NPHP4: variants seen among roughly 807,000 people sequenced by gnomAD.
The protein encoded by NPHP4 is nephrocystin 4.
A neutral mutation model predicts 155.8 loss-of-function variants in NPHP4; 151 were observed. The observed-to-expected ratio is 0.97, with a 90% CI of 0.85 to 1.11. The LOEUF is 1.11. NPHP4 is among the 50% of genes least tolerant of loss of function. The probability of loss-of-function intolerance (pLI) is 0.00; values close to 1 mark genes in which losing one functional copy is unlikely to be tolerated. For missense variants in NPHP4, 1,956 were observed against 1,925.7 expected (o/e 1.02, Z -0.29); for synonymous variants, 845 against 816.8 (o/e 1.03, Z -0.59).
At chr1:5,948,298 G>T in intron 7 of NPHP4, 47 bp from the exon 8 acceptor site, 1 of 1,441,790 alleles carries the variant, frequency 6.9e-7, no homozygotes, top group East Asian at 2.5e-5. Flanking sequence ...ACGGAAAGAG[G>T]GAGCTCGCCA....
Position 5,867,330 on chromosome 1 carries a change from G to A in NPHP4, c.3473-215C>T. On this transcript the variant is annotated intron_variant, in intron 24 of 29. Transcript: ENST00000378156. This position sits in a 1 kb window ranked among gnomAD's most constrained non-coding sequence, Gnocchi z 4.1. ...CGCCCATCCAGCCCACTGCGGCTCG[G>A]CTGCAGCCATCTCCACAGGGAATAA... The A allele has an allele frequency of 1.8e-6, 1 of 568,230 alleles. No individual in the cohort carries two copies. Among genetic ancestry groups the A allele is most frequent in the South Asian group, 2.3e-5 (1 of 43,196 alleles). The allele number at this position is 568,230 out of a possible 1,614,324, so 35.2% of individuals were successfully genotyped here. A position where few individuals can be genotyped will look rare whatever the true frequency, so the allele number is the denominator to read the frequency against.
chr1:5,963,990 A>G (rs903973572), intron 5 of NPHP4, among the ~76,000 whole-genome samples: 1 of 152,042 alleles, frequency 6.6e-6, no homozygotes, highest in African/African-American at 2.4e-5. Flanking sequence ...TCCTGGCCCA[A>G]CCTCTTCTTA....
chr1:5,916,239 C>G (rs995550921), intron 11 of NPHP4, among the ~76,000 whole-genome samples: 5 of 152,082 alleles, frequency 3.3e-5, no homozygotes, highest in African/African-American at 1.2e-4. Flanking sequence ...TGCAATGTTA[C>G]AGAGAAAATA....
intron 7 of NPHP4, among the ~76,000 whole-genome samples, chr1:5,949,650 C>T (rs1309320077): frequency 2.0e-5 from 3 of 151,922 alleles, no homozygotes; most frequent in Non-Finnish European, 4.4e-5. Flanking sequence ...GCAGGACAGT[C>T]AGAGGACCCC....
At position 5,904,640 on chromosome 1, in the gene NPHP4, C is replaced by A; in HGVS notation, c.2120G>T (p.Ser707Ile). 1 of 1,611,550 alleles carries A rather than the reference C, an allele frequency of 6.2e-7. No individual in the cohort carries two copies. ...GALTHILVPV[S>I]RDGTFDAGSP... ...ACCAGCATCAAAGGTGCCATCTCTG[C>A]TCACAGGCACGAGGATGTGGGTCAG... is the stretch of plus-strand genomic sequence containing the variant. The change falls in exon 16 of 30, where the codon AGC (serine) becomes ATC (isoleucine). Residue 707 changes from serine (S) to isoleucine (I), a missense_variant. Ser to Ile is a moderately radical substitution (Grantham distance 142). Transcript: ENST00000378156.
At chr1:5,927,002 C>T (rs564716708) in intron 11 of NPHP4, among the ~76,000 whole-genome samples, 1 of 152,098 alleles carries the variant, frequency 6.6e-6, no homozygotes, top group African/African-American at 2.4e-5. Flanking sequence ...GTACCTTCCG[C>T]CCCTCACTTC....
At position 5,873,457 on chromosome 1, in the gene NPHP4, C is replaced by T. The variant is rs1642222484; in HGVS notation, c.3232-122G>A. 5 of 763,192 alleles carry T rather than the reference C, an allele frequency of 6.6e-6. No homozygotes were observed. In the East Asian group the frequency reaches 1.3e-4, roughly 20 times the overall value. The allele number at this position is 763,192 out of a possible 1,614,324, so 47.3% of individuals were successfully genotyped here. ...ACCAGCCTCCTCTCACACTGACTCT[C>T]CAGGCAGCAACCATCACCAACCGGC... On this transcript the variant is annotated intron_variant, in intron 22 of 29. Coordinates refer to ENST00000378156, the MANE Select transcript of NPHP4 (RefSeq NM_015102.5).
rs1305276572 is a variant in NPHP4, at chr1:5,910,566, T to TA, written c.1442-1354dup. Reference sequence around the variant, plus strand: ...ATGGCACAGAGCACAGGCCGGCACTTACGGGACCTACGGACCAAGCACACA... The same window carrying TA: ...ATGGCACAGAGCACAGGCCGGCACTTAACGGGACCTACGGACCAAGCACACA... On this transcript the variant is annotated intron_variant, in intron 11 of 29. Coordinates refer to ENST00000378156, the MANE Select transcript of NPHP4 (RefSeq NM_015102.5). The surrounding 1 kb of genome is among the most constrained non-coding windows in gnomAD (Gnocchi z 5.4). Among the ~76,000 whole-genome samples the TA allele has an allele frequency of 1.3e-5, 2 of 152,118 alleles. No individual in the cohort carries two copies. The highest frequency in any genetic ancestry group is 4.8e-5 in the African/African-American group (2 of 41,424).
At chr1:5,980,959 C>T (rs1171881313) in intron 2 of NPHP4, among the ~76,000 whole-genome samples, 1 of 152,206 alleles carries the variant, frequency 6.6e-6, no homozygotes, top group African/African-American at 2.4e-5. Context: ...GACCTGCCCT[C>T]TGAGCCTGCC....
At chr1:5,920,559 G>A (rs1381506210) in intron 11 of NPHP4, among the ~76,000 whole-genome samples, 2 of 152,072 alleles carry the variant, frequency 1.3e-5, no homozygotes, top group East Asian at 1.9e-4. Context: ...GTTAATGATC[G>A]CCCGACAATC....
chr1:5,864,143 C>G lies in NPHP4; in HGVS notation c.3997-110G>C, dbSNP rs963009633. The G allele has an allele frequency of 7.2e-5, 95 of 1,317,392 alleles. 1 individual carries two copies. In the Admixed American group the frequency reaches 8.8e-4, roughly 12 times the overall value. 81.6% of individuals were successfully genotyped at this position (1,317,392 alleles called of 1,614,324 possible). ...TGTGCACCGTGCACGGGGACCCCCA[C>G]AGAGATAAGACAGACGCTCTCTGGA... is the stretch of plus-strand genomic sequence containing the variant. On this transcript the variant is annotated intron_variant, in intron 28 of 29. Coordinates refer to ENST00000378156, the MANE Select transcript of NPHP4 (RefSeq NM_015102.5).
At chr1:5,967,183 T>G (rs1651674838) in intron 5 of NPHP4, 116 bp downstream of exon 5, 3 of 796,958 alleles carry the variant, frequency 3.8e-6, no homozygotes, top group Non-Finnish European at 2.0e-6. Flanking sequence ...TTAGATAAAT[T>G]AGCTAAGCAG....
chr1:5,978,206 C>G (rs1434428191), intron 3 of NPHP4, 64 bp downstream of exon 3: 5 of 1,513,686 alleles, frequency 3.3e-6, no homozygotes, highest in Non-Finnish European at 3.6e-6. Flanking sequence ...GGCTGCCACC[C>G]AGGACCACCC....
intron 18 of NPHP4, chr1:5,880,939 G>T (rs1194617206): frequency 6.6e-6 from 1 of 152,484 alleles, no homozygotes; most frequent in African/African-American, 2.4e-5. Flanking sequence ...GTCCCAAAAT[G>T]AACCACCCAG....
At chr1:5,865,537 G>A in intron 26 of NPHP4, 1 of 415,536 alleles carries the variant, frequency 2.4e-6, no homozygotes, top group Non-Finnish European at 4.3e-6. Context: ...GGCGCAGCAG[G>A]GCTGCTTAGG....
chr1:5,891,947 C>T (rs546930977), intron 16 of NPHP4, among the ~76,000 whole-genome samples: 64 of 152,210 alleles, frequency 4.2e-4, no homozygotes, highest in South Asian at 4.1e-4. Context: ...CTAGGGGGAG[C>T]GAAGAGTGCA....
chr1:5,983,182 A>T (rs1400231876), intron 2 of NPHP4, among the ~76,000 whole-genome samples: 2 of 152,228 alleles, frequency 1.3e-5, no homozygotes, highest in Admixed American at 1.3e-4. Flanking sequence ...GAAGAGTTAA[A>T]AGTCTCCAAC....
intron 11 of NPHP4, among the ~76,000 whole-genome samples, chr1:5,926,080 A>G (rs536366571): frequency 1.3e-5 from 2 of 152,256 alleles, no homozygotes; most frequent in African/African-American, 4.8e-5. Context: ...CCACCACCAC[A>G]AGGGATTCTA....
intron 11 of NPHP4, among the ~76,000 whole-genome samples, chr1:5,917,034 G>C (rs2101511950): frequency 6.6e-6 from 1 of 152,340 alleles, no homozygotes; most frequent in South Asian, 2.1e-4. Flanking sequence ...AAAGACCCTG[G>C]ACTGGGATCG....
Sources: gnomAD v4.1 joint callset for allele counts (sites outside exome capture counted in the v4.1 genomes callset) on GRCh38, gnomAD v4.1.1 for gene constraint, Gnocchi (gnomAD v3.1) non-coding constraint, MANE v1.5 for transcripts, NCBI Gene and HGNC (gene_info 2026-07-23, HGNC 2026-07-21) for gene names.